The following SKAP1 variants were observed in gnomAD, a reference collection of about 807,000 sequenced individuals.
The protein encoded by SKAP1 is src kinase-associated phosphoprotein 1.
In SKAP1, 44 loss-of-function variants were observed where a neutral mutation model predicts 58.5. The ratio of observed to expected loss-of-function variants is 0.75; its 90% CI spans 0.59 to 0.97. SKAP1 has a LOEUF of 0.97. Ranked by LOEUF, SKAP1 falls within the 50% of genes least tolerant of loss-of-function variation. The pLI is 0.00. For synonymous variants in SKAP1, 127 were observed against 149.7 expected (o/e 0.85, Z 1.11); for missense variants, 390 against 435.2 (o/e 0.90, Z 0.92).
At chr17:48,285,510 GAGGCTGAGGC>G (rs1222249840) in intron 4 of SKAP1, among the ~76,000 whole-genome samples, 2 of 151,950 alleles carry the variant, frequency 1.3e-5, no homozygotes, top group Non-Finnish European at 2.9e-5. Flanking sequence ...AACTACTCAG[GAGGCTGAGGC>G]AGGAAAATCG....
intron 3 of SKAP1, among the ~76,000 whole-genome samples, chr17:48,353,927 A>AAAGAAGAAGAGGAAGAAGAAGAAG (rs2066839746): frequency 7.5e-6 from 1 of 133,400 alleles, no homozygotes; most frequent in Non-Finnish European, 1.6e-5. Context: ...AGAAAAGAAG[A>AAAGAAGAAGAGGAAGAAGAAGAAG]AAGAAGAAGA....
At chr17:48,358,447 C>T (rs529962926) in intron 3 of SKAP1, among the ~76,000 whole-genome samples, 1 of 152,052 alleles carries the variant, frequency 6.6e-6, no homozygotes, top group Non-Finnish European at 1.5e-5. Context: ...AAGTATGTGA[C>T]CATAAGGGAC....
the SKAP1 span, among the ~76,000 whole-genome samples, chr17:48,442,100 A>AAGG: frequency 3.9e-5 from 6 of 152,048 alleles, no homozygotes; most frequent in South Asian, 2.1e-4. Context: ...TTAGTGTTTT[A>AAGG]AGGAGGAGGA....
intron 5 of SKAP1, 124 bp from the exon 6 acceptor site, chr17:48,188,050 A>G: frequency 2.9e-6 from 2 of 696,368 alleles, no homozygotes; most frequent in South Asian, 1.8e-5. Context: ...GGACTGTAAA[A>G]CCCTCCTTTT....
At chr17:48,263,429 G>A (rs1290278860) in intron 4 of SKAP1, among the ~76,000 whole-genome samples, 2 of 152,138 alleles carry the variant, frequency 1.3e-5, no homozygotes, top group Non-Finnish European at 2.9e-5. Flanking sequence ...CTTTATAAAA[G>A]CAGACAAATA....
At chr17:48,218,651 A>G (rs1396458333) in intron 4 of SKAP1, among the ~76,000 whole-genome samples, 3 of 152,216 alleles carry the variant, frequency 2.0e-5, no homozygotes, top group African/African-American at 7.2e-5. Context: ...GACTGTGTGA[A>G]TGACATTTAC....
intron 2 of SKAP1, among the ~76,000 whole-genome samples, chr17:48,367,536 G>GTGTATATATATATGGATATATATCCATA (rs2067020194): frequency 2.2e-5 from 3 of 135,602 alleles, no homozygotes; most frequent in South Asian, 2.6e-4. Flanking sequence ...GTATGTGTGT[G>GTGTATATATATATGGATATATATCCATA]TATATATATA....
At chr17:48,195,297 T>C (rs2064610969) in intron 4 of SKAP1, among the ~76,000 whole-genome samples, 1 of 152,232 alleles carries the variant, frequency 6.6e-6, no homozygotes, top group South Asian at 2.1e-4. Context: ...TGGCAGGAAG[T>C]GTCATCTTCC....
intron 2 of SKAP1, among the ~76,000 whole-genome samples, chr17:48,378,774 G>A (rs1021361250): frequency 6.6e-6 from 1 of 152,068 alleles, no homozygotes; most frequent in African/African-American, 2.4e-5. Flanking sequence ...CTCTGTCACT[G>A]AGCCCTCAAG....
intron 9 of SKAP1, among the ~76,000 whole-genome samples, chr17:48,171,394 C>A (rs1384826475): frequency 6.6e-6 from 1 of 152,088 alleles, no homozygotes; most frequent in African/African-American, 2.4e-5. Context: ...GCGTGAGCCA[C>A]CGTGCCTGGC....
chr17:48,263,807 G>C (rs1389786642), intron 4 of SKAP1, among the ~76,000 whole-genome samples: 1 of 152,208 alleles, frequency 6.6e-6, no homozygotes, highest in African/African-American at 2.4e-5. Flanking sequence ...TTGACCGCCA[G>C]ATGACCTCCA....
intron 1 of SKAP1, among the ~76,000 whole-genome samples, chr17:48,404,681 T>C (rs2067547278): frequency 6.6e-6 from 1 of 152,018 alleles, no homozygotes; most frequent in South Asian, 2.1e-4. Context: ...GTTTTTAAAA[T>C]ATTCAATATA....
intron 10 of SKAP1, among the ~76,000 whole-genome samples, chr17:48,166,254 A>C (rs537036365): frequency 6.6e-6 from 1 of 152,210 alleles, no homozygotes; most frequent in Non-Finnish European, 1.5e-5. Context: ...AGCAACCAAA[A>C]TGTCATAAGA....
intron 4 of SKAP1, among the ~76,000 whole-genome samples, chr17:48,212,796 A>G (rs955675096): frequency 2.0e-5 from 3 of 152,094 alleles, no homozygotes; most frequent in Non-Finnish European, 4.4e-5. Flanking sequence ...TGTGTTTCTC[A>G]TTTGTCCAGC....
At chr17:48,401,972 T>C (rs956583524) in intron 1 of SKAP1, among the ~76,000 whole-genome samples, 1 of 152,174 alleles carries the variant, frequency 6.6e-6, no homozygotes, top group Non-Finnish European at 1.5e-5. Context: ...AGGAACTGAA[T>C]AGACATATCT....
intron 11 of SKAP1, among the ~76,000 whole-genome samples, chr17:48,153,956 T>C (rs575782832): frequency 1.8e-4 from 27 of 151,410 alleles, no homozygotes; most frequent in African/African-American, 6.1e-4. Context: ...AATTAACTTA[T>C]CTGTTTTTAT....
intron 3 of SKAP1, among the ~76,000 whole-genome samples, chr17:48,359,684 G>T (rs2066913479): frequency 6.6e-6 from 1 of 152,130 alleles, no homozygotes; most frequent in African/African-American, 2.4e-5. Context: ...TCGGCTCACT[G>T]CAGTCTCAAC....
chr17:48,256,613 T>C (rs1025500533), intron 4 of SKAP1, among the ~76,000 whole-genome samples: 1 of 151,914 alleles, frequency 6.6e-6, no homozygotes, highest in African/African-American at 2.4e-5. Context: ...GCAGAGAAAT[T>C]CCCCTTTATT....
chr17:48,173,138 C>T (rs2064238778), intron 9 of SKAP1, among the ~76,000 whole-genome samples: 2 of 151,860 alleles, frequency 1.3e-5, no homozygotes, highest in Admixed American at 6.6e-5. Flanking sequence ...CATGATTGCG[C>T]TACTGCAGTC....
Sources: gnomAD v4.1 joint callset for allele counts (sites outside exome capture counted in the v4.1 genomes callset) on GRCh38, gnomAD v4.1.1 for gene constraint, MANE v1.5 for transcripts, NCBI Gene and HGNC (gene_info 2026-07-23, HGNC 2026-07-21) for gene names.